The following SPRN variants were observed in gnomAD, a reference collection of about 807,000 sequenced individuals.
SPRN encodes the protein hypothetical protein BC004409.
For missense variants in SPRN, 312 were observed against 241.4 expected (o/e 1.29, Z -1.94); for synonymous variants, 182 against 123.4 (o/e 1.48, Z -3.15).
In SPRN at chr10:133,424,474, C is replaced by T. The variant is rs1267050081; in HGVS notation, c.-18G>A. On this transcript the variant is annotated splice_region_variant and 5_prime_UTR_variant, in exon 1 of 2. Transcript: ENST00000685335. ...CCCGCCCCAGCCTCCCGGCCTTACC[C>T]GCCACGGGCCTCGGTTGGAACCGCG... 1.1e-4 allele frequency: 13 copies of T among 119,442 alleles called. No individual in the cohort carries two copies. The highest frequency in any genetic ancestry group is 4.4e-4 in the African/African-American group (11 of 24,900). 7.4% of individuals were successfully genotyped at this position (119,442 alleles called of 1,614,324 possible).
intron 1 of SPRN, among the ~76,000 whole-genome samples, chr10:133,423,976 G>A (rs1031266146): frequency 0.066 from 2,717 of 41,428 alleles, no homozygotes; most frequent in Non-Finnish European, 0.16. Flanking sequence ...GGGCAGGAGC[G>A]TTCAGGCCTC....
In SPRN at chr10:133,422,620, C is replaced by G. The variant is rs754111100; in HGVS notation, c.*606G>C. The G allele has an allele frequency of 6.6e-6, 1 of 152,324 alleles. No individual in the cohort carries two copies. Among genetic ancestry groups the G allele is most frequent in the Non-Finnish European group, 1.5e-5 (1 of 68,140 alleles). The allele number at this position is 152,324 out of a possible 1,614,324, so 9.4% of individuals were successfully genotyped here. On this transcript the variant is annotated 3_prime_UTR_variant, in exon 2 of 2. Transcript: ENST00000685335. ...GGGCAGGGTGTGTTTTCCCACCAGC[C>G]GCAGAGAGCCAGGATGGACGTTCCT...
At position 133,423,624 on chromosome 10, in the gene SPRN, C is replaced by G. The variant is rs1309103455; in HGVS notation, c.58G>C (p.Asp20His). ...CGGCCGCCCTTGGCTGCGCCGCTGT[C>G]GCAGAGGAAGGCGGCCGCCAGTAGC... The part of the protein sequence containing the change: ...ALLLAAAFLC[D>H]SGAAKGGRGG... The change falls in exon 2 of 2, where the codon GAC (aspartate) becomes CAC (histidine). Residue 20 changes from aspartate (D) to histidine (H), a missense_variant. Transcript: ENST00000685335. 2 of 1,565,220 alleles carry G rather than the reference C, an allele frequency of 1.3e-6. No individual in the cohort carries two copies. Among genetic ancestry groups the G allele is most frequent in the East Asian group, 4.8e-5 (2 of 41,290 alleles).
chr10:133,420,798 C>T lies in SPRN; in HGVS notation c.*2428G>A, dbSNP rs933177442. On this transcript the variant is annotated 3_prime_UTR_variant, in exon 2 of 2. Coordinates refer to ENST00000685335, the MANE Select transcript of SPRN (RefSeq NM_001391974.1). ...ATGTTCAGGGCAGGGTTGAGGGGGA[C>T]GCCCTGCACATGGCTTTGCTGTGCA... 4 of 152,396 alleles carry T rather than the reference C, an allele frequency of 2.6e-5. No individual in the cohort carries two copies. Among genetic ancestry groups the T allele is most frequent in the Non-Finnish European group, 4.4e-5 (3 of 68,156 alleles). 9.4% of individuals were successfully genotyped at this position (152,396 alleles called of 1,614,324 possible).
chr10:133,423,617 C>A lies in SPRN; in HGVS notation c.65G>T (p.Gly22Val). Residue 22 changes from glycine to valine, a missense_variant, in exon 2 of 2, where the codon GGC becomes GTC. Transcript: ENST00000685335. ...ACCTCCGCGGCCGCCCTTGGCTGCGCCGCTGTCGCAGAGGAAGGCGGCCGC... is the reference window on the plus strand; with the variant it reads ...ACCTCCGCGGCCGCCCTTGGCTGCGACGCTGTCGCAGAGGAAGGCGGCCGC... ...LLAAAFLCDSGAAKGGRGGAR... is the reference protein window; with the variant it reads ...LLAAAFLCDSVAAKGGRGGAR... 4 of 1,553,260 alleles carry A rather than the reference C, an allele frequency of 2.6e-6. No homozygotes were observed. Among genetic ancestry groups the A allele is most frequent in the Non-Finnish European group, 3.5e-6 (4 of 1,154,300 alleles).
At position 133,422,919 on chromosome 10, in the gene SPRN, TG is replaced by T; in HGVS notation, c.*306del. 1 of 278,258 alleles carries T rather than the reference TG, an allele frequency of 3.6e-6. No individual in the cohort carries two copies. The highest frequency in any genetic ancestry group is 6.7e-6 in the Non-Finnish European group (1 of 148,802). 17.2% of individuals were successfully genotyped at this position (278,258 alleles called of 1,614,324 possible). A position where few individuals can be genotyped will look rare whatever the true frequency, so the allele number is the denominator to read the frequency against. ...GGTTCCTGGCCTTGGCACCTCCCTT[TG>T]GGCGGCGATGGAGCGTGGCTGGGCG... On this transcript the variant is annotated 3_prime_UTR_variant, in exon 2 of 2. Coordinates refer to ENST00000685335, the MANE Select transcript of SPRN (RefSeq NM_001391974.1).
rs571321568 is a variant in SPRN, at chr10:133,423,030, C to G, written c.*196G>C. On this transcript the variant is annotated 3_prime_UTR_variant, in exon 2 of 2. Coordinates refer to ENST00000685335, the MANE Select transcript of SPRN (RefSeq NM_001391974.1). ...GTGGGTGGGGCAGGGCCCATGGTCT[C>G]CTCTAGGTGGGAGGTGGCAGGCTGA... The G allele has an allele frequency of 1.7e-5, 10 of 575,390 alleles. No homozygotes were observed. The highest frequency in any genetic ancestry group is 3.3e-5 in the East Asian group (1 of 30,378). The allele number at this position is 575,390 out of a possible 1,614,324, so 35.6% of individuals were successfully genotyped here. A position where few individuals can be genotyped will look rare whatever the true frequency, so the allele number is the denominator to read the frequency against.
chr10:133,424,010 G>C (rs1351365113), intron 1 of SPRN, among the ~76,000 whole-genome samples: 1 of 137,370 alleles, frequency 7.3e-6, no homozygotes, highest in East Asian at 2.3e-4. Flanking sequence ...GCCCGGGCGG[G>C]GGAGCAAGCC....
At position 133,422,875 on chromosome 10, in the gene SPRN, G is replaced by T. The variant is rs1850277330; in HGVS notation, c.*351C>A. 1 of 214,374 alleles carries T rather than the reference G, an allele frequency of 4.7e-6. No individual in the cohort carries two copies. The highest frequency in any genetic ancestry group is 9.2e-6 in the Non-Finnish European group (1 of 108,232). The allele number at this position is 214,374 out of a possible 1,614,324, so 13.3% of individuals were successfully genotyped here. ...GTCACCACGGCCCCTGGGCAGGCGA[G>T]GGGAGCCGGGGTGGCTTGGGTTCCT... On this transcript the variant is annotated 3_prime_UTR_variant, in exon 2 of 2. Coordinates refer to ENST00000685335, the MANE Select transcript of SPRN (RefSeq NM_001391974.1).
chr10:133,423,970 A>AGGAGGGCCGCGGTG, intron 1 of SPRN, among the ~76,000 whole-genome samples: 1 of 124,128 alleles, frequency 8.1e-6, no homozygotes, highest in Admixed American at 8.6e-5. Context: ...GAAGCGGGGC[A>AGGAGGGCCGCGGTG]GGAGCGTTCA....
Position 133,423,239 on chromosome 10 carries a change from A to C in SPRN, c.443T>G (p.Leu148Arg), listed in dbSNP as rs1390879137. The C allele has an allele frequency of 1.4e-6, 2 of 1,466,540 alleles. No individual in the cohort carries two copies. Among genetic ancestry groups the C allele is most frequent in the South Asian group, 1.3e-5 (1 of 76,374 alleles). The allele number at this position is 1,466,540 out of a possible 1,614,324, so 90.8% of individuals were successfully genotyped here. ...VLGGALGALGLLRP is the reference protein window; with the variant it reads ...VLGGALGALGRLRP Reference sequence around the variant, plus strand: ...GCCCAGCCAGGCCTAGGGCCGCAGCAGCCCCAGGGCTCCGAGGGCGCCGCC... The same window carrying C: ...GCCCAGCCAGGCCTAGGGCCGCAGCCGCCCCAGGGCTCCGAGGGCGCCGCC... Residue 148 changes from leucine (L) to arginine (R), a missense_variant, in exon 2 of 2, where the codon CTG becomes CGG. Transcript: ENST00000685335.
rs1850219339 is a variant in SPRN at position 133,420,768 on chromosome 10, G to A, written c.*2458C>T. On this transcript the variant is annotated 3_prime_UTR_variant, in exon 2 of 2. Transcript: ENST00000685335. ...CACTGGCTTCGCCCCTCAGTGCCCT[G>A]GGGCATGTTCAGGGCAGGGTTGAGG... 1 of 152,650 alleles carries A rather than the reference G, an allele frequency of 6.6e-6. No homozygotes were observed. The highest frequency in any genetic ancestry group is 2.4e-5 in the African/African-American group (1 of 41,486). The allele number at this position is 152,650 out of a possible 1,614,324, so 9.5% of individuals were successfully genotyped here.
At position 133,423,541 on chromosome 10, in the gene SPRN, C is replaced by T. The variant is rs1340413585; in HGVS notation, c.141G>A (p.Ser47=). 2 of 1,251,312 alleles carry T rather than the reference C, an allele frequency of 1.6e-6. No individual in the cohort carries two copies. The highest frequency in any genetic ancestry group is 1.0e-6 in the Non-Finnish European group (1 of 999,878). 77.5% of individuals were successfully genotyped at this position (1,251,312 alleles called of 1,614,324 possible). ...GGVRGGARGA[S]RVRVRPAQRY... ...GCTGCGCCGGCCTCACGCGCACCCTCGAGGCCCCGCGCGCACCCCCGCGGA... is the reference window on the plus strand; with the variant it reads ...GCTGCGCCGGCCTCACGCGCACCCTTGAGGCCCCGCGCGCACCCCCGCGGA... Residue 47 remains serine, a synonymous_variant, in exon 2 of 2, where the codon TCG becomes TCA. Coordinates refer to ENST00000685335, the MANE Select transcript of SPRN (RefSeq NM_001391974.1).
Position 133,423,698 on chromosome 10 carries a change from C to T in SPRN, c.-16-1G>A. Reference sequence around the variant, plus strand: ...CCAGTTCATCTTCGTGGGGCTAAACCTGCGGGAAGAGAGGGAAAGGGCCCT... The same window carrying T: ...CCAGTTCATCTTCGTGGGGCTAAACTTGCGGGAAGAGAGGGAAAGGGCCCT... On this transcript the variant is annotated splice_acceptor_variant, in intron 1 of 1. Transcript: ENST00000685335. LOFTEE classifies it low-confidence loss of function (5UTR_SPLICE). 1.3e-6 allele frequency: 2 copies of T among 1,550,950 alleles called. No individual in the cohort carries two copies. The highest frequency in any genetic ancestry group is 1.7e-6 in the Non-Finnish European group (2 of 1,146,432).
chr10:133,423,244 C>T lies in SPRN; in HGVS notation c.438G>A (p.Leu146=), dbSNP rs1375066050. The part of the protein sequence containing the change: ...CLVLGGALGA[L]GLLRP ...GCCAGGCCTAGGGCCGCAGCAGCCC[C>T]AGGGCTCCGAGGGCGCCGCCCAGCA... The change falls in exon 2 of 2, where the codon CTG becomes CTA. Residue 146 remains leucine, a synonymous_variant. Transcript: ENST00000685335. The T allele has an allele frequency of 2.0e-6, 3 of 1,477,708 alleles. No homozygotes were observed. Among genetic ancestry groups the T allele is most frequent in the South Asian group, 1.3e-5 (1 of 77,768 alleles). 91.5% of individuals were successfully genotyped at this position (1,477,708 alleles called of 1,614,324 possible).
chr10:133,422,484 A>G lies in SPRN; in HGVS notation c.*742T>C, dbSNP rs1201712453. ...GGAATGTGTTGGTTTTTCCCCCCCA[A>G]AATGGGTCCTAAGGAGGGTAAAGTG... On this transcript the variant is annotated 3_prime_UTR_variant, in exon 2 of 2. Transcript: ENST00000685335. 1 of 152,272 alleles carries G rather than the reference A, an allele frequency of 6.6e-6. No individual in the cohort carries two copies. The highest frequency in any genetic ancestry group is 1.5e-5 in the Non-Finnish European group (1 of 68,104). 9.4% of individuals were successfully genotyped at this position (152,272 alleles called of 1,614,324 possible). A position where few individuals can be genotyped will look rare whatever the true frequency, so the allele number is the denominator to read the frequency against.
Position 133,423,060 on chromosome 10 carries a change from G to C in SPRN, c.*166C>G, listed in dbSNP as rs1564826066. 1 of 709,696 alleles carries C rather than the reference G, an allele frequency of 1.4e-6. No homozygotes were observed. Among genetic ancestry groups the C allele is most frequent in the South Asian group, 2.0e-5 (1 of 49,740 alleles). The allele number at this position is 709,696 out of a possible 1,614,324, so 44.0% of individuals were successfully genotyped here. A position where few individuals can be genotyped will look rare whatever the true frequency, so the allele number is the denominator to read the frequency against. On this transcript the variant is annotated 3_prime_UTR_variant, in exon 2 of 2. Coordinates refer to ENST00000685335, the MANE Select transcript of SPRN (RefSeq NM_001391974.1). ...AGGTGGGAGGTGGCAGGCTGAGGCG[G>C]CGTGGGCAGGACGGTGGATGGCGGG...
intron 1 of SPRN, among the ~76,000 whole-genome samples, 153 bp from the exon 2 acceptor site, chr10:133,423,850 C>T (rs558939955): frequency 6.6e-6 from 1 of 152,214 alleles, no homozygotes; most frequent in African/African-American, 2.4e-5. Flanking sequence ...TGGGGGGGCG[C>T]GGTTTAACCT....
At position 133,423,068 on chromosome 10, in the gene SPRN, A is replaced by G. The variant is rs1589923304; in HGVS notation, c.*158T>C. On this transcript the variant is annotated 3_prime_UTR_variant, in exon 2 of 2. Coordinates refer to ENST00000685335, the MANE Select transcript of SPRN (RefSeq NM_001391974.1). ...GGTGGCAGGCTGAGGCGGCGTGGGC[A>G]GGACGGTGGATGGCGGGTCCACAGG... is the stretch of plus-strand genomic sequence containing the variant. The G allele has an allele frequency of 1.3e-6, 1 of 770,314 alleles. No individual in the cohort carries two copies. The highest frequency in any genetic ancestry group is 1.8e-5 in the African/African-American group (1 of 54,862). The allele number at this position is 770,314 out of a possible 1,614,324, so 47.7% of individuals were successfully genotyped here.
Sources: gnomAD v4.1 joint callset for allele counts (sites outside exome capture counted in the v4.1 genomes callset) on GRCh38, gnomAD v4.1.1 for gene constraint, MANE v1.5 for transcripts, NCBI Gene and HGNC (gene_info 2026-07-23, HGNC 2026-07-21) for gene names.